NTN1: variants seen among roughly 807,000 people sequenced by gnomAD.
NTN1 encodes netrin-1.
Under a neutral mutation model 54.2 loss-of-function variants are expected in NTN1, and 11 were observed. That is an observed-to-expected ratio of 0.20 (90% CI 0.13 to 0.34). The LOEUF is 0.34. NTN1 is among the 10% of genes least tolerant of loss of function. NTN1 has a pLI of 1.00. For missense variants in NTN1, 740 were observed against 893.1 expected (o/e 0.83, Z 2.18); for synonymous variants, 371 against 382.0 (o/e 0.97, Z 0.33).
chr17:9,111,273 A>G (rs1597491306), intron 2 of NTN1, among the ~76,000 whole-genome samples: 3 of 152,228 alleles, frequency 2.0e-5, no homozygotes, highest in Admixed American at 6.5e-5. Context: ...ACTTAATTAC[A>G]TCTGCAAAGA....
rs1399400558 is a variant in NTN1 at position 9,241,483 on chromosome 17, C to G, written c.*1515C>G. 3 of 153,030 alleles carry G rather than the reference C, an allele frequency of 2.0e-5. No homozygotes were observed. The highest frequency in any genetic ancestry group is 4.8e-5 in the African/African-American group (2 of 41,460). 9.5% of individuals were successfully genotyped at this position (153,030 alleles called of 1,614,324 possible). ...GCCTTCCTGGGCTCTCTGCACTGCCCGGGCCTCTGGCCCACATCCTCACAC... is the reference window on the plus strand; with the variant it reads ...GCCTTCCTGGGCTCTCTGCACTGCCGGGGCCTCTGGCCCACATCCTCACAC... On this transcript the variant is annotated 3_prime_UTR_variant, in exon 7 of 7. Transcript: ENST00000173229.
intron 2 of NTN1, among the ~76,000 whole-genome samples, chr17:9,051,840 A>G (rs893631657): frequency 6.6e-6 from 1 of 152,120 alleles, no homozygotes; most frequent in Non-Finnish European, 1.5e-5. Context: ...GTGTCTATCC[A>G]TCCCCCGCTT....
chr17:9,142,105 C>T (rs985134323), intron 2 of NTN1, among the ~76,000 whole-genome samples: 4 of 151,694 alleles, frequency 2.6e-5, no homozygotes, highest in Admixed American at 1.3e-4. Context: ...CCAGGCTGGG[C>T]GACAGAGCGA....
intron 2 of NTN1, among the ~76,000 whole-genome samples, chr17:9,146,100 G>A (rs78365938): frequency 1.3e-3 from 203 of 152,250 alleles, no homozygotes; most frequent in Admixed American, 4.6e-3. Context: ...GCCCTTTCAA[G>A]CACATTCCTC....
At chr17:9,180,771 T>G (rs1423384391) in intron 4 of NTN1, among the ~76,000 whole-genome samples, 1 of 152,134 alleles carries the variant, frequency 6.6e-6, no homozygotes, top group Non-Finnish European at 1.5e-5. Context: ...GTACAGCTGT[T>G]CGCAGGGGCT....
At chr17:9,108,643 T>C (rs2092177732) in intron 2 of NTN1, among the ~76,000 whole-genome samples, 1 of 151,828 alleles carries the variant, frequency 6.6e-6, no homozygotes, top group South Asian at 2.1e-4. Flanking sequence ...AGATGTGGGG[T>C]GGTATAGAAG....
At chr17:9,190,585 C>G (rs1481542328) in intron 5 of NTN1, among the ~76,000 whole-genome samples, 1 of 152,206 alleles carries the variant, frequency 6.6e-6, no homozygotes, top group Non-Finnish European at 1.5e-5. Context: ...GGTGCAGTGG[C>G]TCACGCCTAT....
At chr17:9,161,652 C>T (rs956822215) in intron 2 of NTN1, among the ~76,000 whole-genome samples, 1 of 152,236 alleles carries the variant, frequency 6.6e-6, no homozygotes, top group South Asian at 2.1e-4. Context: ...GTGGTGTGCA[C>T]CTGTAATCCC....
intron 2 of NTN1, among the ~76,000 whole-genome samples, chr17:9,029,982 C>G (rs1025211761): frequency 2.3e-5 from 3 of 130,564 alleles, no homozygotes; most frequent in African/African-American, 5.5e-5. Context: ...CAGAGCGAAA[C>G]TCCGTCTCAA....
At chr17:9,152,241 C>T (rs997601090) in intron 2 of NTN1, among the ~76,000 whole-genome samples, 5 of 152,188 alleles carry the variant, frequency 3.3e-5, no homozygotes, top group African/African-American at 1.2e-4. Flanking sequence ...AACCCACTGG[C>T]AGGAACCAAC....
intron 2 of NTN1, among the ~76,000 whole-genome samples, chr17:9,051,575 G>T (rs1167485728): frequency 6.6e-6 from 1 of 152,118 alleles, no homozygotes; most frequent in Non-Finnish European, 1.5e-5. Context: ...GACAAAAATT[G>T]TATGTATTTA....
intron 2 of NTN1, among the ~76,000 whole-genome samples, chr17:9,070,995 C>G (rs2092030293): frequency 6.6e-6 from 1 of 152,118 alleles, no homozygotes; most frequent in Admixed American, 6.5e-5. Context: ...GGGACTGTTT[C>G]AGACCATTCC....
At chr17:9,056,833 C>T (rs1372755885) in intron 2 of NTN1, among the ~76,000 whole-genome samples, 3 of 152,150 alleles carry the variant, frequency 2.0e-5, no homozygotes, top group African/African-American at 7.2e-5. Context: ...GTGGCAATGG[C>T]TTTTTGAAGG....
At chr17:9,062,129 T>A (rs2092000889) in intron 2 of NTN1, among the ~76,000 whole-genome samples, 1 of 152,148 alleles carries the variant, frequency 6.6e-6, no homozygotes, top group Non-Finnish European at 1.5e-5. Flanking sequence ...TGCATCTCAG[T>A]AGATTTTTAG....
At chr17:9,034,331 A>G (rs1252166833) in intron 2 of NTN1, among the ~76,000 whole-genome samples, 1 of 151,966 alleles carries the variant, frequency 6.6e-6, no homozygotes, top group African/African-American at 2.4e-5. Flanking sequence ...TATAGCCTTT[A>G]TTATCACCAT....
intron 2 of NTN1, among the ~76,000 whole-genome samples, chr17:9,115,443 C>G (rs1030417545): frequency 2.6e-5 from 4 of 152,198 alleles, no homozygotes; most frequent in African/African-American, 9.7e-5. Context: ...AGCTCATTGT[C>G]GGGAAGAGAA....
chr17:9,086,373 A>G (rs1159020522), intron 2 of NTN1, among the ~76,000 whole-genome samples: 1 of 152,122 alleles, frequency 6.6e-6, no homozygotes, highest in Non-Finnish European at 1.5e-5. Context: ...AAACATTGAG[A>G]TCATTCGGTG....
intron 2 of NTN1, among the ~76,000 whole-genome samples, chr17:9,127,734 C>G (rs898158662): frequency 1.3e-5 from 2 of 152,078 alleles, no homozygotes; most frequent in Non-Finnish European, 2.9e-5. Context: ...GTGCCACCAC[C>G]AATGATTCTA....
intron 6 of NTN1, among the ~76,000 whole-genome samples, chr17:9,232,881 C>T (rs1483474565): frequency 1.3e-5 from 2 of 152,144 alleles, no homozygotes; most frequent in African/African-American, 2.4e-5. Flanking sequence ...GTGCTCAGAG[C>T]TGCATTTCAG....
Sources: allele counts gnomAD v4.1 joint callset (sites outside exome capture counted in the v4.1 genomes callset), GRCh38; gene constraint gnomAD v4.1.1; transcripts MANE v1.5; gene names NCBI Gene and HGNC (gene_info 2026-07-23, HGNC 2026-07-21).